The following TGM3 variants were observed in gnomAD, a reference collection of about 807,000 sequenced individuals.
TGM3 encodes transglutaminase 3.
A neutral mutation model predicts 73.8 loss-of-function variants in TGM3; 52 were observed. The ratio of observed to expected loss-of-function variants is 0.70; its 90% confidence interval spans 0.56 to 0.89. The LOEUF is 0.89. TGM3 is among the 40% of genes least tolerant of loss of function. TGM3 has a pLI of 0.00. For synonymous variants in TGM3, 372 were observed against 354.9 expected (o/e 1.05, Z -0.54); for missense variants, 928 against 909.9 (o/e 1.02, Z -0.26).
intron 7 of TGM3, among the ~76,000 whole-genome samples, chr20:2,320,755 G>T (rs1200350008): frequency 6.6e-6 from 1 of 152,126 alleles, no homozygotes; most frequent in African/African-American, 2.4e-5. Flanking sequence ...CCTCCTTCGG[G>T]TCCACTGCAA....
intron 1 of TGM3, among the ~76,000 whole-genome samples, chr20:2,300,303 C>T (rs2084138283): frequency 6.6e-6 from 1 of 152,092 alleles, no homozygotes; most frequent in Non-Finnish European, 1.5e-5. Flanking sequence ...CCAGTGTCAT[C>T]CCTAACCAAA....
At chr20:2,305,940 TCAC>T (rs1428708541) in intron 1 of TGM3, among the ~76,000 whole-genome samples, 3 of 152,208 alleles carry the variant, frequency 2.0e-5, no homozygotes, top group Non-Finnish European at 4.4e-5. Context: ...AATAGTATGA[TCAC>T]CACCACCACA....
chr20:2,312,522 G>A (rs570302606), intron 4 of TGM3, among the ~76,000 whole-genome samples: 1 of 152,222 alleles, frequency 6.6e-6, no homozygotes, highest in East Asian at 1.9e-4. Flanking sequence ...TGCTCTTGAG[G>A]TTTGTGGCAG....
At chr20:2,337,451 G>A (rs1011157815) in intron 11 of TGM3, among the ~76,000 whole-genome samples, 31 of 152,122 alleles carry the variant, frequency 2.0e-4, no homozygotes, top group African/African-American at 7.5e-4. Context: ...AGGCGCGGTG[G>A]CTCACTCTTG....
At chr20:2,323,518 G>T (rs954696174) in intron 7 of TGM3, among the ~76,000 whole-genome samples, 1 of 152,222 alleles carries the variant, frequency 6.6e-6, no homozygotes, top group Non-Finnish European at 1.5e-5. Context: ...GACACCTTTA[G>T]ATATACATGT....
intron 5 of TGM3, among the ~76,000 whole-genome samples, chr20:2,313,766 C>T (rs1454238177): frequency 3.3e-5 from 5 of 152,172 alleles, no homozygotes; most frequent in South Asian, 2.1e-4. Flanking sequence ...TGGTGGCTCA[C>T]GCCTCTCATC....
At position 2,339,890 on chromosome 20, in the gene TGM3, G is replaced by A. The variant is rs768771713; in HGVS notation, c.1837G>A (p.Val613Met). The change falls in exon 12 of 13, where the codon GTG (valine) becomes ATG (methionine). Residue 613 changes from valine (V) to methionine (M), a missense_variant. Coordinates refer to ENST00000381458, the MANE Select transcript of TGM3 (RefSeq NM_003245.4). ...NEARVRKPVNVQMLFSNPLDE... is the reference protein window; with the variant it reads ...NEARVRKPVNMQMLFSNPLDE... ...GGCTCGTGTGCGGAAGCCTGTGAAC[G>A]TGCAGATGCTCTTCTCCAATCCACT... 1.9e-5 allele frequency: 30 copies of A among 1,613,994 alleles called. No homozygotes were observed. The highest frequency in any genetic ancestry group is 4.4e-5 in the South Asian group (4 of 91,082).
chr20:2,332,450 T>A lies in TGM3; in HGVS notation c.1642+140T>A. ...CGGCCCCTGTGGTTAAGCCATGTAT[T>A]AATGCTTTGGAAGTTTCTGTCTCTA... On this transcript the variant is annotated intron_variant, in intron 10 of 12. Coordinates refer to ENST00000381458, the MANE Select transcript of TGM3 (RefSeq NM_003245.4). This position sits in a 1 kb window ranked among gnomAD's most constrained non-coding sequence, Gnocchi z 4.4. 3 of 867,118 alleles carry A rather than the reference T, an allele frequency of 3.5e-6. No homozygotes were observed. The highest frequency in any genetic ancestry group is 5.1e-6 in the Non-Finnish European group (3 of 582,724). The allele number at this position is 867,118 out of a possible 1,614,324, so 53.7% of individuals were successfully genotyped here.
intron 1 of TGM3, among the ~76,000 whole-genome samples, chr20:2,307,717 C>T (rs1044397869): frequency 6.6e-6 from 1 of 152,114 alleles, no homozygotes; most frequent in Non-Finnish European, 1.5e-5. Flanking sequence ...TTGTGCCTCA[C>T]ACAATGTCCT....
chr20:2,331,949 G>GC, intron 9 of TGM3, 53 bp from the exon 10 acceptor site: 1 of 1,556,992 alleles, frequency 6.4e-7, no homozygotes, highest in Non-Finnish European at 8.7e-7. Flanking sequence ...ACTGTCCTTT[G>GC]CCCAGGTTGC....
chr20:2,322,607 G>A (rs928918617), intron 7 of TGM3, among the ~76,000 whole-genome samples: 1 of 152,158 alleles, frequency 6.6e-6, no homozygotes, highest in Admixed American at 6.5e-5. Flanking sequence ...AACCCCAGCT[G>A]CCTGGATTCA....
intron 5 of TGM3, among the ~76,000 whole-genome samples, chr20:2,316,537 G>A (rs1298860063): frequency 6.6e-6 from 1 of 151,736 alleles, no homozygotes; most frequent in East Asian, 1.9e-4. Context: ...ACTCCAGCCA[G>A]GGCGACAGAG....
At chr20:2,324,336 A>G (rs1434591093) in intron 7 of TGM3, among the ~76,000 whole-genome samples, 1 of 152,170 alleles carries the variant, frequency 6.6e-6, no homozygotes, top group Non-Finnish European at 1.5e-5. Context: ...TTTGTCTGAC[A>G]ATTCCAACAT....
chr20:2,317,959 T>C (rs979241664), intron 7 of TGM3, among the ~76,000 whole-genome samples: 2 of 147,378 alleles, frequency 1.4e-5, no homozygotes, highest in African/African-American at 2.5e-5. Flanking sequence ...TATATATATA[T>C]ACACCTATTG....
rs2084192984 is a variant in TGM3, at chr20:2,309,766, G to T, written c.117G>T (p.Gln39His). The T allele has an allele frequency of 5.6e-6, 9 of 1,614,226 alleles. No individual in the cohort carries two copies. In the East Asian group the frequency reaches 2.0e-4, roughly 36 times the overall value. ...ELILRRGQNF[Q>H]VLMIMNKGLG... ...TCTTGCGGAGAGGCCAAAACTTCCA[G>T]GTCTTAATGATCATGAACAAAGGCC... Residue 39 changes from glutamine (Q) to histidine (H), a missense_variant, in exon 2 of 13, where the codon CAG (glutamine) becomes CAT (histidine). Coordinates refer to ENST00000381458, the MANE Select transcript of TGM3 (RefSeq NM_003245.4).
Position 2,340,815 on chromosome 20 carries a change from C to T in TGM3, c.*234C>T, listed in dbSNP as rs1441068982. ...TTTGCACATTCCCTGGCCGCTTCTC[C>T]CCAGAGCTGCCTGCTCTGTGAGCCC... On this transcript the variant is annotated 3_prime_UTR_variant, in exon 13 of 13. Transcript: ENST00000381458. 1.5e-6 allele frequency: 1 copy of T among 649,588 alleles called. No homozygotes were observed. The highest frequency in any genetic ancestry group is 3.2e-5 in the East Asian group (1 of 31,592). The allele number at this position is 649,588 out of a possible 1,614,324, so 40.2% of individuals were successfully genotyped here. A position where few individuals can be genotyped will look rare whatever the true frequency, so the allele number is the denominator to read the frequency against.
Position 2,310,340 on chromosome 20 carries a change from T to G in TGM3, c.344T>G (p.Leu115Arg), listed in dbSNP as rs748731438. The change falls in exon 3 of 13, where the codon CTC becomes CGC. Residue 115 changes from leucine (L) to arginine (R), a missense_variant. By Grantham distance (102) the Leu-to-Arg change is moderately radical. Coordinates refer to ENST00000381458, the MANE Select transcript of TGM3 (RefSeq NM_003245.4). Reference protein sequence around the residue: ...SAPIGRYTMALQIFSQGGISS... With the variant: ...SAPIGRYTMARQIFSQGGISS... ...CCCATAGGACGGTACACAATGGCCC[T>G]CCAGATCTTCTCCCAGGGCGGCATC... 3.7e-6 allele frequency: 6 copies of G among 1,614,234 alleles called. No homozygotes were observed. In the Admixed American group the frequency reaches 1.0e-4, roughly 27 times the overall value.
At chr20:2,309,895 G>A (rs142079470) in intron 2 of TGM3, 65 bp downstream of exon 2, 81 of 1,590,992 alleles carry the variant, frequency 5.1e-5, no homozygotes, top group Non-Finnish European at 6.1e-5. Context: ...TTCATTCAAG[G>A]ACTGACGGGG....
Position 2,328,826 on chromosome 20 carries a change from T to A in TGM3, c.1333+461T>A, listed in dbSNP as rs2084304726. Among the ~76,000 whole-genome samples, 2 of 152,230 alleles carry A rather than the reference T, an allele frequency of 1.3e-5. No individual in the cohort carries two copies. The highest frequency in any genetic ancestry group is 2.9e-5 in the Non-Finnish European group (2 of 68,034). ...GAAACCCAGAGACCTGAGCTTGCACTGTGCACATTTGGAGGTCTCCCAAGA... is the reference window on the plus strand; with the variant it reads ...GAAACCCAGAGACCTGAGCTTGCACAGTGCACATTTGGAGGTCTCCCAAGA... On this transcript the variant is annotated intron_variant, in intron 9 of 12. Coordinates refer to ENST00000381458, the MANE Select transcript of TGM3 (RefSeq NM_003245.4). The surrounding 1 kb of genome is among the most constrained non-coding windows in gnomAD (Gnocchi z 5.2).
Sources: gnomAD v4.1 joint callset for allele counts (sites outside exome capture counted in the v4.1 genomes callset) on GRCh38, gnomAD v4.1.1 for gene constraint, Gnocchi (gnomAD v3.1) non-coding constraint, MANE v1.5 for transcripts, NCBI Gene and HGNC (gene_info 2026-07-23, HGNC 2026-07-21) for gene names.